BRD10: variants seen among roughly 807,000 people sequenced by gnomAD.
BRD10 encodes bromodomain containing 10.
chr9:5,910,146 T>C, the BRD10 span: 6 of 152,360 alleles, frequency 3.9e-5, no homozygotes, highest in East Asian at 9.6e-4. Context: ...AGGCTGTCTT[T>C]GACATAACTG....
At chr9:5,942,619 A>G in the BRD10 span, among the ~76,000 whole-genome samples, 2 of 152,196 alleles carry the variant, frequency 1.3e-5, no homozygotes, top group African/African-American at 4.8e-5. Context: ...ACAATCTTTT[A>G]AACAGTTTAA....
At chr9:6,004,137 T>C in the BRD10 span, among the ~76,000 whole-genome samples, 1 of 152,230 alleles carries the variant, frequency 6.6e-6, no homozygotes, top group African/African-American at 2.4e-5. Flanking sequence ...TATGATAGAC[T>C]AGTCTCTTTC....
At chr9:6,007,109 G>A in the BRD10 span, 2 of 1,381,982 alleles carry the variant, frequency 1.4e-6, no homozygotes, top group Non-Finnish European at 1.0e-6. Context: ...GCCGCCCCCA[G>A]GCCCCTGGCC....
the BRD10 span, among the ~76,000 whole-genome samples, chr9:5,888,024 C>T: frequency 5.3e-5 from 8 of 152,156 alleles, no homozygotes; most frequent in African/African-American, 1.7e-4. Context: ...CAGCCTTTGT[C>T]CATAGCTCAC....
chr9:5,966,231 A>ATT, the BRD10 span, among the ~76,000 whole-genome samples: 1 of 151,952 alleles, frequency 6.6e-6, no homozygotes, highest in Non-Finnish European at 1.5e-5. Flanking sequence ...GTTTCTATTC[A>ATT]TTTTTCTAGA....
chr9:5,892,528 C>A, the BRD10 span: 1 of 1,613,630 alleles, frequency 6.2e-7, no homozygotes, highest in East Asian at 2.2e-5. Flanking sequence ...AGGGGCACGG[C>A]CACTCTTACA....
chr9:5,913,524 G>A, the BRD10 span, among the ~76,000 whole-genome samples: 172 of 152,232 alleles, frequency 1.1e-3, 4 homozygotes, highest in South Asian at 0.035. Context: ...GCTGTGAAAT[G>A]GAATAAAAAG....
the BRD10 span, among the ~76,000 whole-genome samples, chr9:5,975,349 G>A: frequency 7.4e-6 from 1 of 134,750 alleles, no homozygotes; most frequent in Non-Finnish European, 1.5e-5. Context: ...TGAAGCAGAA[G>A]AATCGCTTGA....
chr9:5,898,759 C>T, the BRD10 span, among the ~76,000 whole-genome samples: 4 of 152,328 alleles, frequency 2.6e-5, no homozygotes, highest in African/African-American at 7.2e-5. Flanking sequence ...TCACCCCTTT[C>T]CTCACTGGTT....
At chr9:5,961,175 A>G in the BRD10 span, among the ~76,000 whole-genome samples, 3 of 152,226 alleles carry the variant, frequency 2.0e-5, no homozygotes, top group African/African-American at 7.2e-5. Context: ...AGAATGTTAT[A>G]GAATAGAGAG....
At chr9:6,000,695 AAAT>A in the BRD10 span, among the ~76,000 whole-genome samples, 4 of 152,200 alleles carry the variant, frequency 2.6e-5, no homozygotes, top group Non-Finnish European at 5.9e-5. Flanking sequence ...AGCATATTTC[AAAT>A]AATACCTTTT....
the BRD10 span, chr9:5,920,336 C>G: frequency 6.2e-7 from 1 of 1,613,918 alleles, no homozygotes; most frequent in Non-Finnish European, 8.5e-7. Context: ...AATCTGAGTA[C>G]CAGGTGCCAA....
chr9:5,912,707 C>T, the BRD10 span, among the ~76,000 whole-genome samples: 2 of 152,236 alleles, frequency 1.3e-5, no homozygotes, highest in South Asian at 4.1e-4. Context: ...TGAGCCTCAC[C>T]CATAAGCATG....
At chr9:6,008,144 C>G in the BRD10 span, 1 of 981,604 alleles carries the variant, frequency 1.0e-6, no homozygotes, top group Admixed American at 6.2e-5. Flanking sequence ...GGCCTCGGCG[C>G]CCCACCCCCT....
chr9:6,008,215 C>A, the BRD10 span: 9 of 977,198 alleles, frequency 9.2e-6, no homozygotes, highest in Non-Finnish European at 1.1e-5. Flanking sequence ...CTCCCCTCCC[C>A]GGAGGGGGCC....
At chr9:5,913,305 C>A in the BRD10 span, among the ~76,000 whole-genome samples, 1 of 152,036 alleles carries the variant, frequency 6.6e-6, no homozygotes, top group African/African-American at 2.4e-5. Flanking sequence ...ATATTGCAGA[C>A]CTTCTCAAAA....
chr9:5,975,618 C>T, the BRD10 span, among the ~76,000 whole-genome samples: 147 of 151,830 alleles, frequency 9.7e-4, no homozygotes, highest in African/African-American at 3.4e-3. Flanking sequence ...ACACAGAATG[C>T]GATTTATGAC....
the BRD10 span, chr9:5,921,545 G>C: frequency 1.2e-6 from 2 of 1,613,886 alleles, no homozygotes; most frequent in Non-Finnish European, 1.7e-6. Context: ...TCCATTGCCA[G>C]AAGAAAGAAT....
At chr9:5,977,076 T>A in the BRD10 span, among the ~76,000 whole-genome samples, 3 of 152,232 alleles carry the variant, frequency 2.0e-5, no homozygotes, top group Admixed American at 2.0e-4. Context: ...GTGAAATAAC[T>A]TCCCCCAGGT....
Sources: allele counts gnomAD v4.1 joint callset (sites outside exome capture counted in the v4.1 genomes callset), GRCh38; gene constraint gnomAD v4.1.1; transcripts MANE v1.5; gene names NCBI Gene and HGNC (gene_info 2026-07-23, HGNC 2026-07-21).